The following MTAP variants were observed in gnomAD, a reference collection of about 807,000 sequenced individuals.
MTAP encodes the protein methylthioadenosine phosphorylase.
A neutral mutation model predicts 33.6 loss-of-function variants in MTAP; 33 were observed. The observed-to-expected ratio is 0.98, with a 90% CI of 0.74 to 1.31. The LOEUF (loss-of-function observed/expected upper bound fraction) is 1.31, where lower values mean the gene tolerates loss of function less well. MTAP is among the 40% of genes most tolerant of loss of function. The pLI is 0.00. For synonymous variants in MTAP, 148 were observed against 125.7 expected (o/e 1.18, Z -1.19); for missense variants, 367 against 360.0 (o/e 1.02, Z -0.16).
chr9:21,916,192 T>C (rs1818688877), intron 1 of MTAP, among the ~76,000 whole-genome samples: 1 of 152,156 alleles, frequency 6.6e-6, no homozygotes, highest in Admixed American at 6.5e-5. Flanking sequence ...CCAAAATTCA[T>C]GTATACCTGG....
intron 1 of MTAP, among the ~76,000 whole-genome samples, chr9:21,919,534 A>AT (rs1818752083): frequency 6.6e-6 from 1 of 152,340 alleles, no homozygotes; most frequent in Non-Finnish European, 1.5e-5. Flanking sequence ...GTGGACTAGC[A>AT]AGAGAGTTGG....
intron 1 of MTAP, 85 bp downstream of exon 1, chr9:21,802,866 C>T (rs755895464): frequency 3.8e-6 from 6 of 1,563,986 alleles, no homozygotes; most frequent in Admixed American, 3.7e-5. Context: ...CTCCGGGGGC[C>T]ATGCGCCCGG....
chr9:21,879,744 C>A (rs1817976105), intron 1 of MTAP, among the ~76,000 whole-genome samples: 1 of 152,112 alleles, frequency 6.6e-6, no homozygotes, highest in South Asian at 2.1e-4. Flanking sequence ...CAAACTCCCT[C>A]AACATTTGCT....
intron 1 of MTAP, among the ~76,000 whole-genome samples, chr9:21,928,512 A>C (rs1330559032): frequency 2.0e-5 from 3 of 152,108 alleles, no homozygotes; most frequent in African/African-American, 7.2e-5. Context: ...CTGCCCCACA[A>C]GGACTGAAAA....
At chr9:21,852,593 A>G (rs1156344233) in intron 5 of MTAP, among the ~76,000 whole-genome samples, 1 of 151,352 alleles carries the variant, frequency 6.6e-6, no homozygotes, top group African/African-American at 2.4e-5. Flanking sequence ...AAGACTACAC[A>G]TTGGGTATAG....
At chr9:21,930,957 A>T in intron 1 of MTAP, 1 of 719,758 alleles carries the variant, frequency 1.4e-6, no homozygotes, top group Non-Finnish European at 2.5e-6. Flanking sequence ...CTTTCAGTCC[A>T]TGTCTTCAAA....
intron 1 of MTAP, among the ~76,000 whole-genome samples, chr9:21,897,267 CA>C (rs1587282603): frequency 1.3e-5 from 2 of 152,238 alleles, no homozygotes; most frequent in East Asian, 3.9e-4. Context: ...AACCCACAGC[CA>C]ATATCATACT....
intron 1 of MTAP, among the ~76,000 whole-genome samples, chr9:21,921,342 A>G (rs1818784505): frequency 6.6e-6 from 1 of 151,914 alleles, no homozygotes; most frequent in South Asian, 2.1e-4. Flanking sequence ...TATTTTTTCA[A>G]AAAAACCTTT....
At chr9:21,926,564 G>A (rs1299872159) in intron 1 of MTAP, among the ~76,000 whole-genome samples, 1 of 152,130 alleles carries the variant, frequency 6.6e-6, no homozygotes, top group Non-Finnish European at 1.5e-5. Flanking sequence ...ATTGGGGAAT[G>A]AAAAAGGAAG....
chr9:21,930,291 G>C (rs879738114), intron 1 of MTAP: 4 of 230,906 alleles, frequency 1.7e-5, no homozygotes, highest in Non-Finnish European at 3.4e-5. Context: ...TTTGGGGGCT[G>C]TCCTCATCTC....
Position 21,837,969 on chromosome 9 carries a change from C to T in MTAP, c.409C>T (p.His137Tyr). The T allele has an allele frequency of 1.2e-6, 2 of 1,614,070 alleles. No individual in the cohort carries two copies. Residue 137 changes from histidine (H) to tyrosine (Y), a missense_variant, in exon 5 of 8, where the codon CAT becomes TAT. His to Tyr is a moderately conservative substitution (Grantham distance 83, BLOSUM62 2). Coordinates refer to ENST00000644715, the MANE Select transcript of MTAP (RefSeq NM_002451.4). Reference sequence around the variant, plus strand: ...TCATTCTTGTGCCAGAGGAGTGTGCCATATTCCAATGGCTGAGCCGTTTTG... The same window carrying T: ...TCATTCTTGTGCCAGAGGAGTGTGCTATATTCCAATGGCTGAGCCGTTTTG... ...GSHSCARGVC[H>Y]IPMAEPFCPK...
At chr9:21,913,391 A>G (rs1386513444) in intron 1 of MTAP, among the ~76,000 whole-genome samples, 1 of 152,242 alleles carries the variant, frequency 6.6e-6, no homozygotes, top group Non-Finnish European at 1.5e-5. Context: ...TTACAAGGCT[A>G]CAGTAACCAA....
intron 1 of MTAP, among the ~76,000 whole-genome samples, chr9:21,873,698 T>G (rs907973750): frequency 1.3e-5 from 2 of 148,498 alleles, no homozygotes; most frequent in African/African-American, 5.0e-5. Flanking sequence ...CCAAAAGGAC[T>G]AAGACAGCAG....
At chr9:21,914,768 A>G (rs1818645376) in intron 1 of MTAP, among the ~76,000 whole-genome samples, 1 of 149,640 alleles carries the variant, frequency 6.7e-6, no homozygotes, top group Non-Finnish European at 1.5e-5. Context: ...GTACCCTGGA[A>G]CTTAAAGTAT....
chr9:21,874,241 C>A (rs1001421971), intron 1 of MTAP, among the ~76,000 whole-genome samples: 17 of 152,196 alleles, frequency 1.1e-4, no homozygotes, highest in African/African-American at 4.1e-4. Context: ...ATTCTATAAT[C>A]CCACTGACTG....
chr9:21,848,244 G>T (rs1015573874), intron 5 of MTAP, among the ~76,000 whole-genome samples: 1 of 152,162 alleles, frequency 6.6e-6, no homozygotes, highest in African/African-American at 2.4e-5. Flanking sequence ...TGAAGTTCCA[G>T]CAGGCCCCTA....
At chr9:21,834,587 T>G (rs946173468) in intron 4 of MTAP, among the ~76,000 whole-genome samples, 7 of 152,220 alleles carry the variant, frequency 4.6e-5, no homozygotes, top group Admixed American at 2.0e-4. Context: ...ATGGCCCTCA[T>G]CCATCTTCAG....
chr9:21,838,088 A>C lies in MTAP; in HGVS notation c.450+78A>C, dbSNP rs554345133. ...GGCATCTGGCATTTGGTTAATTGGC[A>C]GAGCGAGTGGCCCCATACCCTCACT... On this transcript the variant is annotated intron_variant, in intron 5 of 7. Coordinates refer to ENST00000644715, the MANE Select transcript of MTAP (RefSeq NM_002451.4). The C allele has an allele frequency of 1.1e-5, 13 of 1,189,562 alleles. No individual in the cohort carries two copies. In the East Asian group the frequency reaches 1.2e-4, roughly 11 times the overall value. 73.7% of individuals were successfully genotyped at this position (1,189,562 alleles called of 1,614,324 possible).
chr9:21,868,666 C>G, downstream of MTAP, among the ~76,000 whole-genome samples: 1 of 152,128 alleles, frequency 6.6e-6, no homozygotes, highest in Non-Finnish European at 1.5e-5. Flanking sequence ...CTCCCAAACA[C>G]CTCCCCATGT....
Sources: allele counts gnomAD v4.1 joint callset (sites outside exome capture counted in the v4.1 genomes callset), GRCh38; gene constraint gnomAD v4.1.1; transcripts MANE v1.5; gene names NCBI Gene and HGNC (gene_info 2026-07-23, HGNC 2026-07-21).